The following RSPO2 variants were observed in gnomAD, a reference collection of about 807,000 sequenced individuals.
RSPO2 encodes R-spondin 2.
In RSPO2, 14 loss-of-function variants were observed where a neutral mutation model predicts 30.9. The observed-to-expected ratio is 0.45, with a 90% CI of 0.30 to 0.71. The LOEUF is 0.71. Among genes scored for constraint, RSPO2 ranks in the 30% least tolerant of loss-of-function variants. RSPO2 has a pLI of 0.08. For synonymous variants in RSPO2, 107 were observed against 96.4 expected (o/e 1.11, Z -0.64); for missense variants, 264 against 301.9 (o/e 0.87, Z 0.93).
At chr8:108,009,407 A>G (rs1292990898) in intron 2 of RSPO2, among the ~76,000 whole-genome samples, 1 of 152,206 alleles carries the variant, frequency 6.6e-6, no homozygotes, top group African/African-American at 2.4e-5. Flanking sequence ...CATTAGGTAT[A>G]AAATATTGAC....
At position 108,082,817 on chromosome 8, in the gene RSPO2, A is replaced by C. The variant is rs1813251994; in HGVS notation, c.-169-10T>G. On this transcript the variant is annotated splice_polypyrimidine_tract_variant and intron_variant, in intron 1 of 5. Transcript: ENST00000276659. ...TCTCTCCGCCACGAACCTGAGAGAC[A>C]AGAAGCGAAAACAGGGTGTGTGGGG... The C allele has an allele frequency of 1.7e-6, 1 of 575,846 alleles. No homozygotes were observed. The highest frequency in any genetic ancestry group is 2.2e-5 in the South Asian group (1 of 45,062). The allele number at this position is 575,846 out of a possible 1,614,324, so 35.7% of individuals were successfully genotyped here.
intron 3 of RSPO2, among the ~76,000 whole-genome samples, chr8:107,973,303 A>G (rs1365077748): frequency 6.6e-6 from 1 of 152,048 alleles, no homozygotes. Flanking sequence ...TAGCCAAGGA[A>G]ATTCAGATTT....
At chr8:107,984,130 G>A (rs1814547376) in intron 3 of RSPO2, among the ~76,000 whole-genome samples, 1 of 152,258 alleles carries the variant, frequency 6.6e-6, no homozygotes, top group Non-Finnish European at 1.5e-5. Flanking sequence ...AACAGTCACT[G>A]TGAAATGCGC....
chr8:107,932,372 C>A (rs1000532473), intron 5 of RSPO2, among the ~76,000 whole-genome samples: 1 of 151,926 alleles, frequency 6.6e-6, no homozygotes, highest in African/African-American at 2.4e-5. Context: ...GGAGGTAATA[C>A]CACCTTCTAA....
intron 3 of RSPO2, among the ~76,000 whole-genome samples, chr8:107,971,127 C>T (rs1009691436): frequency 5.3e-5 from 8 of 152,166 alleles, no homozygotes; most frequent in African/African-American, 1.9e-4. Context: ...AAAAACAGCA[C>T]AAGGTGGCTT....
intron 3 of RSPO2, among the ~76,000 whole-genome samples, chr8:107,973,634 T>C (rs997542773): frequency 2.6e-5 from 4 of 152,164 alleles, no homozygotes; most frequent in African/African-American, 4.8e-5. Flanking sequence ...ATGCTGACTT[T>C]ATCTGATGTA....
intron 5 of RSPO2, among the ~76,000 whole-genome samples, chr8:107,903,398 T>C: frequency 6.6e-6 from 1 of 152,106 alleles, no homozygotes; most frequent in East Asian, 1.9e-4. Context: ...ATGTACTACT[T>C]TCACTAACAG....
At position 107,971,480 on chromosome 8, in the gene RSPO2, T is replaced by A. The variant is rs145259468; in HGVS notation, c.284-10663A>T. The stretch of plus-strand genomic sequence containing the variant: ...TGCCCTTTGAGTTTTCCATAAAGGG[T>A]AATGGAATAGAATTAAAACAGGGTT... On this transcript the variant is annotated intron_variant, in intron 3 of 5. Coordinates refer to ENST00000276659, the MANE Select transcript of RSPO2 (RefSeq NM_178565.5). 6.6e-3 allele frequency among the ~76,000 whole-genome samples: 998 copies of A among 152,198 alleles called. 4 individuals carry two copies. The highest frequency in any genetic ancestry group is 9.7e-3 in the Non-Finnish European group (657 of 67,998).
chr8:107,907,005 TAC>T (rs1285473603), intron 5 of RSPO2, among the ~76,000 whole-genome samples: 1 of 151,900 alleles, frequency 6.6e-6, no homozygotes, highest in African/African-American at 2.4e-5. Flanking sequence ...TTAACACATA[TAC>T]ATTTTACTTA....
intron 2 of RSPO2, among the ~76,000 whole-genome samples, chr8:108,058,834 T>A (rs1020950749): frequency 1.3e-5 from 2 of 151,732 alleles, no homozygotes; most frequent in Non-Finnish European, 2.9e-5. Flanking sequence ...TTACACCTTA[T>A]ATAAAAATTA....
intron 2 of RSPO2, among the ~76,000 whole-genome samples, chr8:108,072,492 A>ATT (rs71308776): frequency 0.17 from 21,377 of 122,392 alleles, 2,178 homozygotes; most frequent in East Asian, 0.4. Flanking sequence ...AGCCCGGCTA[A>ATT]TTTTTTTTTT....
At chr8:108,027,485 A>T (rs1222170485) in intron 2 of RSPO2, among the ~76,000 whole-genome samples, 1 of 152,204 alleles carries the variant, frequency 6.6e-6, no homozygotes, top group Non-Finnish European at 1.5e-5. Flanking sequence ...AACAATCCTT[A>T]AGTAAAAATT....
At chr8:108,014,688 C>T (rs898275507) in intron 2 of RSPO2, among the ~76,000 whole-genome samples, 3 of 151,194 alleles carry the variant, frequency 2.0e-5, no homozygotes, top group African/African-American at 7.3e-5. Flanking sequence ...ACACTGGGGC[C>T]TGTCAGGTGG....
At chr8:107,973,787 C>T (rs939986443) in intron 3 of RSPO2, among the ~76,000 whole-genome samples, 1 of 152,048 alleles carries the variant, frequency 6.6e-6, no homozygotes, top group African/African-American at 2.4e-5. Flanking sequence ...CTTTTTTCCC[C>T]CCATCTTCTT....
rs1813269761 is a variant in RSPO2, at chr8:108,083,183, T to G, written c.-170+14A>C. Reference sequence around the variant, plus strand: ...AGCGCCGCAGCTGCGGCTGCCTTGGTGTGGGTTGCCTACCGTGCGCACGTC... The same window carrying G: ...AGCGCCGCAGCTGCGGCTGCCTTGGGGTGGGTTGCCTACCGTGCGCACGTC... On this transcript the variant is annotated intron_variant, in intron 1 of 5. Coordinates refer to ENST00000276659, the MANE Select transcript of RSPO2 (RefSeq NM_178565.5). The G allele has an allele frequency of 6.6e-6, 1 of 152,316 alleles. No individual in the cohort carries two copies. Among genetic ancestry groups the G allele is most frequent in the South Asian group, 2.1e-4 (1 of 4,822 alleles). The allele number at this position is 152,316 out of a possible 1,614,324, so 9.4% of individuals were successfully genotyped here.
intron 2 of RSPO2, among the ~76,000 whole-genome samples, chr8:108,010,805 C>T (rs1810680243): frequency 6.6e-6 from 1 of 151,882 alleles, no homozygotes; most frequent in Non-Finnish European, 1.5e-5. Context: ...GAAGAGCACA[C>T]CCAGAAATAA....
intron 2 of RSPO2, among the ~76,000 whole-genome samples, chr8:108,059,222 T>C (rs1586666794): frequency 6.6e-6 from 1 of 151,606 alleles, no homozygotes; most frequent in Non-Finnish European, 1.5e-5. Flanking sequence ...AAGAAGACAT[T>C]TATGCAGCCA....
intron 2 of RSPO2, among the ~76,000 whole-genome samples, chr8:108,008,440 A>T (rs1815533825): frequency 6.6e-6 from 1 of 152,142 alleles, no homozygotes; most frequent in Non-Finnish European, 1.5e-5. Context: ...ATTCAGCTCC[A>T]CAAAGGGCAG....
chr8:107,998,607 T>C (rs976060315), intron 2 of RSPO2, among the ~76,000 whole-genome samples: 2 of 152,156 alleles, frequency 1.3e-5, no homozygotes, highest in Non-Finnish European at 2.9e-5. Context: ...TGATTAAAAA[T>C]GTTAATAAAG....
Sources: allele counts gnomAD v4.1 joint callset (sites outside exome capture counted in the v4.1 genomes callset), GRCh38; gene constraint gnomAD v4.1.1; transcripts MANE v1.5; gene names NCBI Gene and HGNC (gene_info 2026-07-23, HGNC 2026-07-21).